The following TNFRSF21 variants were observed in gnomAD, a reference collection of about 807,000 sequenced individuals.
TNFRSF21 encodes tumor necrosis factor receptor superfamily member 21.
In TNFRSF21, 19 loss-of-function variants were observed where a neutral mutation model predicts 45.6. The observed-to-expected ratio is 0.42, with a 90% CI of 0.29 to 0.61. The LOEUF is 0.61. Ranked by LOEUF, TNFRSF21 falls within the 20% of genes least tolerant of loss-of-function variation. TNFRSF21 has a pLI of 0.23. For missense variants in TNFRSF21, 737 were observed against 851.5 expected (o/e 0.87, Z 1.67); for synonymous variants, 314 against 335.5 (o/e 0.94, Z 0.70).
chr6:47,273,851 A>T (rs947269153), intron 3 of TNFRSF21, among the ~76,000 whole-genome samples: 9 of 152,220 alleles, frequency 5.9e-5, no homozygotes, highest in African/African-American at 2.2e-4. Context: ...ATTAACAGAC[A>T]AATGAGAGCC....
chr6:47,234,629 G>A (rs748036631), intron 5 of TNFRSF21, 41 bp downstream of exon 5: 2 of 1,506,728 alleles, frequency 1.3e-6, no homozygotes, highest in Admixed American at 1.8e-5. Context: ...GCTCTTTGGG[G>A]GGTTTAAGTG....
chr6:47,287,536 A>G (rs1310831463), intron 1 of TNFRSF21, among the ~76,000 whole-genome samples: 1 of 152,154 alleles, frequency 6.6e-6, no homozygotes, highest in African/African-American at 2.4e-5. Context: ...AGATTTGTAA[A>G]ATACTTTGTT....
At chr6:47,249,963 C>T (rs1053721625) in intron 4 of TNFRSF21, among the ~76,000 whole-genome samples, 63 of 151,692 alleles carry the variant, frequency 4.2e-4, no homozygotes, top group African/African-American at 1.2e-3. Flanking sequence ...TAAAAAAAGA[C>T]GAGAGGACAA....
intron 3 of TNFRSF21, among the ~76,000 whole-genome samples, chr6:47,280,092 G>A (rs376840950): frequency 3.9e-5 from 6 of 152,136 alleles, no homozygotes; most frequent in East Asian, 1.9e-4. Flanking sequence ...GTTTTTGTTC[G>A]CAAGAAAGAC....
At chr6:47,246,608 T>C (rs1387340642) in intron 4 of TNFRSF21, among the ~76,000 whole-genome samples, 3 of 152,222 alleles carry the variant, frequency 2.0e-5, no homozygotes, top group Admixed American at 2.0e-4. Context: ...ACCTTATTTC[T>C]ATACCTTAAA....
intron 3 of TNFRSF21, among the ~76,000 whole-genome samples, chr6:47,266,771 T>C (rs930163549): frequency 2.0e-5 from 3 of 152,200 alleles, no homozygotes; most frequent in Non-Finnish European, 4.4e-5. Flanking sequence ...GATTTTAAGA[T>C]GAAAAGAGAC....
intron 3 of TNFRSF21, among the ~76,000 whole-genome samples, chr6:47,270,452 A>G (rs147466179): frequency 0.028 from 4,320 of 152,340 alleles, 216 homozygotes; most frequent in African/African-American, 0.098. Flanking sequence ...TAACAAACAG[A>G]AATGAATAGC....
At chr6:47,273,378 G>A (rs1011554114) in intron 3 of TNFRSF21, among the ~76,000 whole-genome samples, 2 of 152,178 alleles carry the variant, frequency 1.3e-5, no homozygotes, top group Admixed American at 6.5e-5. Flanking sequence ...ATCAATAAAT[G>A]TAATCCATCA....
At chr6:47,239,285 CAAAAA>C (rs548172761) in intron 4 of TNFRSF21, among the ~76,000 whole-genome samples, 11,032 of 56,594 alleles carry the variant, frequency 0.19, 309 homozygotes, top group South Asian at 0.27. Flanking sequence ...GACTCCATCT[CAAAAA>C]AAAAAAAAAA....
intron 1 of TNFRSF21, among the ~76,000 whole-genome samples, chr6:47,304,206 A>G (rs1412541473): frequency 6.6e-6 from 1 of 152,082 alleles, no homozygotes; most frequent in African/African-American, 2.4e-5. Flanking sequence ...GAAAATAAGC[A>G]CAAGGAAAAG....
intron 1 of TNFRSF21, among the ~76,000 whole-genome samples, chr6:47,299,618 C>A (rs1424308947): frequency 1.3e-5 from 2 of 152,142 alleles, no homozygotes; most frequent in African/African-American, 4.8e-5. Context: ...ATAACTCCTT[C>A]TCAATAGTTA....
In TNFRSF21 at chr6:47,233,013, A is replaced by C. The variant is rs1764611026; in HGVS notation, c.1739-19T>G. The C allele has an allele frequency of 6.2e-7, 1 of 1,611,854 alleles. No homozygotes were observed. The highest frequency in any genetic ancestry group is 8.5e-7 in the Non-Finnish European group (1 of 1,178,128). ...TTCTTTTCTGCAGAGAAGAGAGGGAAGCAAAGACAGCTGTAAGGTGACTGT... is the reference window on the plus strand; with the variant it reads ...TTCTTTTCTGCAGAGAAGAGAGGGACGCAAAGACAGCTGTAAGGTGACTGT... On this transcript the variant is annotated intron_variant, in intron 5 of 5. Transcript: ENST00000296861.
chr6:47,305,073 A>G (rs1762920110), intron 1 of TNFRSF21, among the ~76,000 whole-genome samples: 1 of 152,138 alleles, frequency 6.6e-6, no homozygotes, highest in African/African-American at 2.4e-5. Flanking sequence ...AAGTTACTTC[A>G]GGTATTTTAA....
chr6:47,270,375 CT>C (rs1341978063), intron 3 of TNFRSF21, among the ~76,000 whole-genome samples: 1 of 152,204 alleles, frequency 6.6e-6, no homozygotes, highest in Admixed American at 6.5e-5. Context: ...CGAACAAGGT[CT>C]GGAGTGGACC....
chr6:47,256,195 T>C (rs1362749446), intron 3 of TNFRSF21, among the ~76,000 whole-genome samples: 1 of 152,164 alleles, frequency 6.6e-6, no homozygotes, highest in African/African-American at 2.4e-5. Flanking sequence ...TTTTCAAAAA[T>C]CAGTTCCTAG....
rs545762422 is a variant in TNFRSF21, at chr6:47,309,350, G to T, written c.96+66C>A. 1.5e-5 allele frequency: 22 copies of T among 1,483,748 alleles called. No homozygotes were observed. In the African/African-American group the frequency reaches 2.1e-4, roughly 14 times the overall value. The allele number at this position is 1,483,748 out of a possible 1,614,324, so 91.9% of individuals were successfully genotyped here. On this transcript the variant is annotated intron_variant, in intron 1 of 5. Coordinates refer to ENST00000296861, the MANE Select transcript of TNFRSF21 (RefSeq NM_014452.5). ...TAAGCCCCGGCCCGGTGACCCGCCC[G>T]GCTCCCGGAGAGCGGTTCCTTCTGC...
At chr6:47,269,830 G>A (rs190158340) in intron 3 of TNFRSF21, among the ~76,000 whole-genome samples, 1 of 152,288 alleles carries the variant, frequency 6.6e-6, no homozygotes, top group East Asian at 1.9e-4. Flanking sequence ...CAAGAGCGCT[G>A]CCTGGGCCCC....
At chr6:47,256,271 T>G (rs184883787) in intron 3 of TNFRSF21, among the ~76,000 whole-genome samples, 34 of 152,316 alleles carry the variant, frequency 2.2e-4, no homozygotes, top group Non-Finnish European at 4.4e-4. Flanking sequence ...ACACCTGTAA[T>G]GCAGCACTTT....
rs780004615 is a variant in TNFRSF21 at position 47,309,489 on chromosome 6, C to T, written c.23G>A (p.Ser8Asn). MGTSPSS[S>N]TALASCSRIA... Reference sequence around the variant, plus strand: ...GCGGCTGCAGGAGGCGAGGGCGGTGCTGCTGCTCGGAGAGGTCCCCATGGC... The same window carrying T: ...GCGGCTGCAGGAGGCGAGGGCGGTGTTGCTGCTCGGAGAGGTCCCCATGGC... Residue 8 changes from serine to asparagine, a missense_variant, in exon 1 of 6, where the codon AGC (serine) becomes AAC (asparagine). By Grantham distance (46) the Ser-to-Asn change is conservative. Coordinates refer to ENST00000296861, the MANE Select transcript of TNFRSF21 (RefSeq NM_014452.5). 1.7e-5 allele frequency: 26 copies of T among 1,520,908 alleles called. No individual in the cohort carries two copies. Among genetic ancestry groups the T allele is most frequent in the Non-Finnish European group, 2.1e-5 (24 of 1,141,836 alleles). 94.2% of individuals were successfully genotyped at this position (1,520,908 alleles called of 1,614,324 possible).
Sources: allele counts gnomAD v4.1 joint callset (sites outside exome capture counted in the v4.1 genomes callset), GRCh38; gene constraint gnomAD v4.1.1; transcripts MANE v1.5; gene names NCBI Gene and HGNC (gene_info 2026-07-23, HGNC 2026-07-21).